MAPK12: variants seen among roughly 807,000 people sequenced by gnomAD.
MAPK12 encodes mitogen-activated protein kinase 12.
A neutral mutation model predicts 49.1 loss-of-function variants in MAPK12; 49 were observed. That is an observed-to-expected ratio of 1.00 (90% confidence interval 0.79 to 1.27). MAPK12 has a LOEUF of 1.27. Ranked by LOEUF, MAPK12 falls within the 50% of genes most tolerant of loss-of-function variation. The pLI, the probability that MAPK12 is intolerant of heterozygous loss-of-function variation, is 0.00. For missense variants in MAPK12, 554 were observed against 502.4 expected (o/e 1.10, Z -0.98); for synonymous variants, 251 against 209.7 (o/e 1.20, Z -1.70).
chr22:50,255,570 C>G (rs1305365200), intron 9 of MAPK12, 39 bp from the exon 10 acceptor site: 12 of 1,612,752 alleles, frequency 7.4e-6, no homozygotes, highest in Non-Finnish European at 1.0e-5. Flanking sequence ...ACACCAAGGC[C>G]CAGGTCCGCC....
chr22:50,254,834 A>G (rs2065131610), intron 11 of MAPK12: 3 of 1,170,248 alleles, frequency 2.6e-6, no homozygotes, highest in Non-Finnish European at 3.2e-6. Flanking sequence ...TCCCTGACTC[A>G]CAGCTGCCTT....
chr22:50,258,782 C>T (rs573603495), intron 2 of MAPK12, among the ~76,000 whole-genome samples: 1 of 152,356 alleles, frequency 6.6e-6, no homozygotes, highest in South Asian at 2.1e-4. Context: ...AGACAGTAGA[C>T]AGGTCATGTG....
chr22:50,256,677 C>T (rs1431707557), intron 5 of MAPK12, 31 bp from the exon 6 acceptor site: 5 of 1,594,430 alleles, frequency 3.1e-6, no homozygotes, highest in Non-Finnish European at 4.3e-6. Context: ...GCCACTGTGC[C>T]CCACCCTCCC....
chr22:50,254,628 G>C, intron 11 of MAPK12: 1 of 1,000,888 alleles, frequency 1.0e-6, no homozygotes, highest in Non-Finnish European at 1.2e-6. Context: ...CTCCAGCCTG[G>C]GCATCAGAGT....
In MAPK12 at chr22:50,261,284, G is replaced by A. The variant is rs780265256; in HGVS notation, c.138C>T (p.Asp46=). 1.5e-5 allele frequency: 23 copies of A among 1,497,990 alleles called. No individual in the cohort carries two copies. The East Asian group carries it at 2.6e-4, about 17-fold the overall frequency. The allele number at this position is 1,497,990 out of a possible 1,614,324, so 92.8% of individuals were successfully genotyped here. Reference sequence around the variant, plus strand: ...TGGCCACCTTAGCGCCGGTGCGGCCGTCCACGGCCGAGCTGCGGGGCGGAC... The same window carrying A: ...TGGCCACCTTAGCGCCGGTGCGGCCATCCACGGCCGAGCTGCGGGGCGGAC... The part of the protein sequence containing the change: ...GAYGAVCSAV[D]GRTGAKVAIK... The change falls in exon 2 of 12, where the codon GAC becomes GAT. Residue 46 remains aspartate (D), a synonymous_variant. Transcript: ENST00000215659.
At position 50,253,519 on chromosome 22, in the gene MAPK12, G is replaced by C. The variant is rs754847075; in HGVS notation, c.1025-39C>G. The C allele has an allele frequency of 5.3e-6, 5 of 942,688 alleles. No individual in the cohort carries two copies. In the South Asian group the frequency reaches 7.0e-5, roughly 13 times the overall value. The allele number at this position is 942,688 out of a possible 1,614,324, so 58.4% of individuals were successfully genotyped here. ...GGGGGCGGGCACAACAGAGAGGGGG[G>C]TCAGCCTTTGCCTTCCATCCTGGGA... On this transcript the variant is annotated intron_variant, in intron 11 of 11. Coordinates refer to ENST00000215659, the MANE Select transcript of MAPK12 (RefSeq NM_002969.6).
chr22:50,257,190 G>C lies in MAPK12; in HGVS notation c.318C>G (p.Tyr106Ter), dbSNP rs754871509. The C allele has an allele frequency of 4.3e-6, 7 of 1,611,582 alleles. No individual in the cohort carries two copies. In the South Asian group the frequency reaches 7.7e-5, roughly 18 times the overall value. Residue 106 changes from tyrosine to a stop codon, truncating the protein, a stop_gained, in exon 4 of 12, where the codon TAC (tyrosine) becomes TAG (stop). Coordinates refer to ENST00000215659, the MANE Select transcript of MAPK12 (RefSeq NM_002969.6). LOFTEE classifies it high-confidence loss of function. ...CGGTGCCCATGAACGGCATCACCAG[G>C]TAACTGTGGGAGGGGCCGGAGCGCT... ...DETLDDFTDF[Y>*]LVMPFMGTDL...
chr22:50,256,482 G>T, intron 6 of MAPK12, 117 bp downstream of exon 6: 1 of 1,356,192 alleles, frequency 7.4e-7, no homozygotes, highest in Non-Finnish European at 1.0e-6. Context: ...CAGCTCCTCA[G>T]CCACTGCCCA....
intron 11 of MAPK12, chr22:50,254,240 A>G: frequency 6.5e-6 from 1 of 152,748 alleles, no homozygotes; most frequent in Non-Finnish European, 1.5e-5. Flanking sequence ...ATAGGGGATG[A>G]TGGACCCCAG....
Position 50,257,103 on chromosome 22 carries a change from GTACACGAGGAACTGGA to G in MAPK12, c.389_404del (p.Ile130ThrfsTer4). 1 of 1,612,662 alleles carries G rather than the reference GTACACGAGGAACTGGA, an allele frequency of 6.2e-7. No homozygotes were observed. Among genetic ancestry groups the G allele is most frequent in the Non-Finnish European group, 8.5e-7 (1 of 1,179,924 alleles). On this transcript the variant is annotated frameshift_variant, in exon 4 of 12. Transcript: ENST00000215659. LOFTEE classifies it high-confidence loss of function. Reference sequence around the variant, plus strand: ...GTACCCTCAGCCCCTTCAGCATCTGGTACACGAGGAACTGGATCCGGTCCTCGCCTAGCTTCTCATG... The same window carrying G: ...GTACCCTCAGCCCCTTCAGCATCTGGTCCGGTCCTCGCCTAGCTTCTCATG...
intron 3 of MAPK12, 153 bp downstream of exon 3, chr22:50,258,090 G>C: frequency 1.3e-6 from 1 of 754,780 alleles, no homozygotes; most frequent in Non-Finnish European, 2.4e-6. Flanking sequence ...GGAGGGCGTG[G>C]GGTGGACAGT....
intron 2 of MAPK12, among the ~76,000 whole-genome samples, chr22:50,259,181 G>T (rs1030136087): frequency 6.6e-6 from 1 of 152,220 alleles, no homozygotes; most frequent in Non-Finnish European, 1.5e-5. Flanking sequence ...GGACAGCTCC[G>T]CCGGAGCCAC....
In MAPK12 at chr22:50,255,319, G is replaced by A. The variant is rs755043439; in HGVS notation, c.902C>T (p.Thr301Met). Residue 301 changes from threonine to methionine, a missense_variant, in exon 11 of 12, where the codon ACG (threonine) becomes ATG (methionine). Physicochemically the swap from Thr to Met is moderately conservative, Grantham distance 81. Transcript: ENST00000215659. ...MLVLDAEQRV[T>M]AGEALAHPYF... ...GGGATGGGCCAGCGCCTCGCCTGCC[G>A]TCACCCGCTGCTCCGCGTCCAGCAC... 1.5e-5 allele frequency: 24 copies of A among 1,613,380 alleles called. No individual in the cohort carries two copies. The highest frequency in any genetic ancestry group is 1.6e-4 in the Middle Eastern group (1 of 6,084).
At position 50,261,244 on chromosome 22, in the gene MAPK12, G is replaced by A. The variant is rs775404891; in HGVS notation, c.178C>T (p.Arg60Trp). ...GCGAACAGCTCGGACTGGAAAGGCC[G>A]ATACAGCTTCTTGATGGCCACCTTA... Reference protein sequence around the residue: ...GAKVAIKKLYRPFQSELFAKR... With the variant: ...GAKVAIKKLYWPFQSELFAKR... Residue 60 changes from arginine to tryptophan, a missense_variant, in exon 2 of 12, where the codon CGG (arginine) becomes TGG (tryptophan). Physicochemically the swap from Arg to Trp is moderately radical, Grantham distance 101. Transcript: ENST00000215659. The A allele has an allele frequency of 1.3e-6, 2 of 1,571,740 alleles. No individual in the cohort carries two copies. The highest frequency in any genetic ancestry group is 1.4e-5 in the African/African-American group (1 of 72,254).
chr22:50,256,113 G>A lies in MAPK12; in HGVS notation c.591C>T (p.Ile197=), dbSNP rs757302429. ...TCTGCGTGTAGCGCATCCAATTCAAGATGACCTCGGGAGCCCGGTACCACC... is the reference window on the plus strand; with the variant it reads ...TCTGCGTGTAGCGCATCCAATTCAAAATGACCTCGGGAGCCCGGTACCACC... ...VTRWYRAPEV[I]LNWMRYTQTV... is the part of the protein sequence containing the mutation. The change falls in exon 7 of 12, where the codon ATC becomes ATT. Residue 197 remains isoleucine (I), a synonymous_variant. Coordinates refer to ENST00000215659, the MANE Select transcript of MAPK12 (RefSeq NM_002969.6). 3.0e-5 allele frequency: 48 copies of A among 1,612,608 alleles called. No homozygotes were observed. Among genetic ancestry groups the A allele is most frequent in the Middle Eastern group, 3.3e-4 (2 of 6,076 alleles).
intron 3 of MAPK12, chr22:50,257,788 C>T: frequency 1.4e-6 from 1 of 708,700 alleles, no homozygotes. Context: ...CCTGGCCCTT[C>T]ACTCTTGGCC....
At position 50,255,958 on chromosome 22, in the gene MAPK12, C is replaced by T. The variant is rs1321687287; in HGVS notation, c.620-77G>A. 2.6e-6 allele frequency: 4 copies of T among 1,520,218 alleles called. No individual in the cohort carries two copies. The Admixed American group carries it at 7.1e-5, about 27-fold the overall frequency. The allele number at this position is 1,520,218 out of a possible 1,614,324, so 94.2% of individuals were successfully genotyped here. A position where few individuals can be genotyped will look rare whatever the true frequency, so the allele number is the denominator to read the frequency against. ...GGGAGGGAGGAGACACCAACACAGC[C>T]CACCTGCCCGGCTCCCACCCCAGCT... On this transcript the variant is annotated intron_variant, in intron 7 of 11. Coordinates refer to ENST00000215659, the MANE Select transcript of MAPK12 (RefSeq NM_002969.6).
intron 2 of MAPK12, chr22:50,260,820 T>A (rs2065204575): frequency 5.4e-6 from 1 of 186,350 alleles, no homozygotes; most frequent in African/African-American, 2.4e-5. Context: ...GCCGGGAGCA[T>A]GCTCTCACCG....
At chr22:50,259,632 C>A (rs890518139) in intron 2 of MAPK12, among the ~76,000 whole-genome samples, 1 of 152,120 alleles carries the variant, frequency 6.6e-6, no homozygotes, top group Non-Finnish European at 1.5e-5. Flanking sequence ...CCTGTAACCC[C>A]AGCACTTTGG....
Sources: allele counts gnomAD v4.1 joint callset (sites outside exome capture counted in the v4.1 genomes callset), GRCh38; gene constraint gnomAD v4.1.1; transcripts MANE v1.5; gene names NCBI Gene and HGNC (gene_info 2026-07-23, HGNC 2026-07-21).